Variants in DSCAM observed in about 807,000 individuals in gnomAD.
DSCAM encodes DS cell adhesion molecule, also known as cell adhesion molecule DSCAM.
DSCAM carries 47 observed loss-of-function variants against 217.7 expected under a neutral mutation model. The observed-to-expected ratio is 0.22, with a 90% CI of 0.17 to 0.28. DSCAM has a LOEUF of 0.28. DSCAM is among the 10% of genes least tolerant of loss of function. DSCAM has a pLI of 1.00. For synonymous variants in DSCAM, 1,056 were observed against 1,015.3 expected, an observed-to-expected ratio of 1.04 and a Z score of -0.76; for missense variants, 2,080 against 2,618.3, an observed-to-expected ratio of 0.79 and a Z score of 4.49.
At chr21:40,110,445 A>C (rs1258104810) in intron 20 of DSCAM, among the ~76,000 whole-genome samples, 1 of 152,222 alleles carries the variant, frequency 6.6e-6, no homozygotes, top group Non-Finnish European at 1.5e-5. Flanking sequence ...CCAAAGGTAG[A>C]TAAAACCACA....
Position 40,025,890 on chromosome 21 carries a change from T to C in DSCAM, c.5687-12504A>G. 1.3e-5 allele frequency among the ~76,000 whole-genome samples: 2 copies of C among 150,512 alleles called. 1 individual carries two copies. The highest frequency in any genetic ancestry group is 4.9e-5 in the African/African-American group (2 of 40,562). On this transcript the variant is annotated intron_variant, in intron 32 of 32. Transcript: ENST00000400454. The stretch of plus-strand genomic sequence containing the variant: ...ATTTGCTTCGGTTCTACTCTGATTT[T>C]AGTTATTTCTTGCCTTCTGCTAGCT...
chr21:40,062,897 C>T lies in DSCAM; in HGVS notation c.4891G>A (p.Ala1631Thr). ...ATGAGCATTTCAGCTAAACTCTTTG[C>T]ATCTGGGGAAAGAAAGTTAACATTA... ...REQRLKRLRD[A>T]KSLAEMLMSK... Residue 1631 changes from alanine (A) to threonine (T), a missense_variant and splice_region_variant, in exon 28 of 33, where the codon GCA becomes ACA. Physicochemically the swap from Ala to Thr is moderately conservative, Grantham distance 58. Transcript: ENST00000400454. 2 of 1,598,164 alleles carry T rather than the reference C, an allele frequency of 1.3e-6. No homozygotes were observed. Among genetic ancestry groups the T allele is most frequent in the Non-Finnish European group, 1.7e-6 (2 of 1,174,916 alleles).
intron 9 of DSCAM, among the ~76,000 whole-genome samples, chr21:40,311,707 C>A (rs577313900): frequency 1.3e-5 from 2 of 152,028 alleles, no homozygotes; most frequent in African/African-American, 2.4e-5. Context: ...TTTAAAAAAC[C>A]ATTTATTGAA....
chr21:40,381,309 G>A (rs978184013), intron 3 of DSCAM, among the ~76,000 whole-genome samples: 2 of 152,082 alleles, frequency 1.3e-5, no homozygotes, highest in Non-Finnish European at 2.9e-5. Context: ...GAAAGGGGAA[G>A]GAAGAGAATG....
intron 3 of DSCAM, among the ~76,000 whole-genome samples, chr21:40,611,986 G>T (rs2089321737): frequency 6.6e-6 from 1 of 152,164 alleles, no homozygotes; most frequent in African/African-American, 2.4e-5. Flanking sequence ...CATAGTTAGA[G>T]AAATAAAGGA....
rs778551656 is a variant in DSCAM, at chr21:40,620,386, G to A, written c.508+72424C>T. The stretch of plus-strand genomic sequence containing the variant: ...AAAGAAAAAGAAAGAAAGAAAGAAA[G>A]AGAAAGAAAGAAAGAAAGGAGGGAG... On this transcript the variant is annotated intron_variant, in intron 3 of 32. Coordinates refer to ENST00000400454, the MANE Select transcript of DSCAM (RefSeq NM_001389.5). 4.4e-5 allele frequency among the ~76,000 whole-genome samples: 4 copies of A among 91,538 alleles called. 1 individual carries two copies. Among genetic ancestry groups the A allele is most frequent in the Non-Finnish European group, 1.0e-4 (4 of 39,294 alleles). The allele number at this position is 91,538 out of a possible 152,430, so 60.1% of individuals were successfully genotyped here.
At chr21:40,347,577 G>A (rs2074572354) in intron 6 of DSCAM, 93 bp downstream of exon 6, 1 of 1,535,898 alleles carries the variant, frequency 6.5e-7, no homozygotes. Flanking sequence ...CTAGAACTGA[G>A]CGATCAGCAC....
chr21:40,084,069 C>T, intron 23 of DSCAM, 63 bp from the exon 24 acceptor site: 1 of 1,318,506 alleles, frequency 7.6e-7, no homozygotes. Flanking sequence ...CTTTCCTGAA[C>T]AGTCATTTAC....
intron 3 of DSCAM, among the ~76,000 whole-genome samples, chr21:40,642,057 AAAC>A (rs1400320307): frequency 0.028 from 2,365 of 83,222 alleles, 59 homozygotes; most frequent in African/African-American, 0.089. Context: ...AAAAAAAAAA[AAAC>A]AAAGATTATA....
At chr21:40,837,902 A>T (rs2092069721) in intron 1 of DSCAM, among the ~76,000 whole-genome samples, 1 of 152,230 alleles carries the variant, frequency 6.6e-6, no homozygotes, top group African/African-American at 2.4e-5. Context: ...ATCAGTTATT[A>T]AAAATGCTCT....
intron 11 of DSCAM, among the ~76,000 whole-genome samples, chr21:40,247,450 T>C (rs950602056): frequency 6.6e-6 from 1 of 152,136 alleles, no homozygotes; most frequent in Non-Finnish European, 1.5e-5. Flanking sequence ...ATATAGCCAT[T>C]CCAAATGGGA....
At chr21:40,177,986 C>G (rs561280687) in intron 15 of DSCAM, among the ~76,000 whole-genome samples, 1 of 152,276 alleles carries the variant, frequency 6.6e-6, no homozygotes, top group South Asian at 2.1e-4. Context: ...TAGGGAGTGG[C>G]TGATTGCTCT....
At chr21:40,618,724 CAG>C (rs899149308) in intron 3 of DSCAM, 29 of 151,538 alleles carry the variant, frequency 1.9e-4, no homozygotes, top group African/African-American at 7.0e-4. Flanking sequence ...TGAGCTAGCG[CAG>C]AGACAATGAT....
chr21:40,352,375 G>A (rs1270424029), intron 5 of DSCAM, among the ~76,000 whole-genome samples: 1 of 152,210 alleles, frequency 6.6e-6, no homozygotes, highest in Non-Finnish European at 1.5e-5. Context: ...AAGTGTGACT[G>A]TGGATTTTAT....
At chr21:40,438,623 T>C (rs1252167259) in intron 3 of DSCAM, among the ~76,000 whole-genome samples, 3 of 152,206 alleles carry the variant, frequency 2.0e-5, no homozygotes, top group Non-Finnish European at 2.9e-5. Context: ...AGGCACACAG[T>C]GTCTCTGAGT....
intron 3 of DSCAM, among the ~76,000 whole-genome samples, chr21:40,492,476 G>C (rs9977267): frequency 2.6e-5 from 4 of 151,712 alleles, no homozygotes; most frequent in African/African-American, 9.7e-5. Flanking sequence ...AAAAAATACA[G>C]AGAAACAATT....
intron 3 of DSCAM, chr21:40,618,664 A>G (rs913661930): frequency 4.3e-5 from 3 of 69,940 alleles, no homozygotes; most frequent in Non-Finnish European, 9.6e-5. Flanking sequence ...GAACTCTGAG[A>G]AAAAAAAAAA....
intron 3 of DSCAM, among the ~76,000 whole-genome samples, chr21:40,491,316 T>C (rs2076074446): frequency 6.6e-6 from 1 of 152,130 alleles, no homozygotes; most frequent in Non-Finnish European, 1.5e-5. Flanking sequence ...TCCTACTTAT[T>C]CTACCTGCAA....
intron 3 of DSCAM, among the ~76,000 whole-genome samples, chr21:40,587,309 T>C (rs1040498391): frequency 6.6e-6 from 1 of 152,234 alleles, no homozygotes; most frequent in Non-Finnish European, 1.5e-5. Context: ...ATCTGGGTTA[T>C]AACTCACATA....
Sources: allele counts gnomAD v4.1 joint callset (sites outside exome capture counted in the v4.1 genomes callset), GRCh38; gene constraint gnomAD v4.1.1; transcripts MANE v1.5; gene names NCBI Gene and HGNC (gene_info 2026-07-23, HGNC 2026-07-21).